TSPAN5: variants seen among roughly 807,000 people sequenced by gnomAD.
The protein encoded by TSPAN5 is tetraspanin 5, also known as tetraspanin-5.
TSPAN5 carries 10 observed loss-of-function variants against 37.1 expected under a neutral mutation model. The observed-to-expected ratio is 0.27, with a 90% confidence interval of 0.17 to 0.46. The LOEUF is 0.46. TSPAN5 is among the 20% of genes least tolerant of loss of function. The pLI is 1.00. For missense variants in TSPAN5, 195 were observed against 326.6 expected (o/e 0.60, Z 3.11); for synonymous variants, 110 against 118.9 (o/e 0.93, Z 0.48).
At chr4:98,533,105 G>A (rs897501122) in intron 1 of TSPAN5, among the ~76,000 whole-genome samples, 3 of 152,062 alleles carry the variant, frequency 2.0e-5, no homozygotes, top group East Asian at 3.9e-4. Context: ...ATTTTATTGA[G>A]GATTTCTGCA....
intron 1 of TSPAN5, among the ~76,000 whole-genome samples, chr4:98,652,664 C>A (rs772582712): frequency 3.9e-5 from 6 of 152,192 alleles, no homozygotes; most frequent in Non-Finnish European, 7.3e-5. Context: ...CATCTCTGTA[C>A]TCCAATTTCT....
At chr4:98,578,684 T>A (rs924618358) in intron 1 of TSPAN5, among the ~76,000 whole-genome samples, 2 of 152,284 alleles carry the variant, frequency 1.3e-5, no homozygotes, top group African/African-American at 4.8e-5. Context: ...CCTCCCAAAG[T>A]GCTGGGCTTA....
chr4:98,623,891 T>C (rs1040644371), intron 1 of TSPAN5, among the ~76,000 whole-genome samples: 1 of 152,196 alleles, frequency 6.6e-6, no homozygotes, highest in African/African-American at 2.4e-5. Flanking sequence ...AAAGTTCAAT[T>C]TTATCCATTT....
intron 1 of TSPAN5, chr4:98,574,662 C>G (rs182814875): frequency 6.6e-6 from 1 of 152,376 alleles, no homozygotes; most frequent in South Asian, 2.1e-4. Context: ...CCGGCTCATA[C>G]ACTTCTTGCA....
Position 98,476,406 on chromosome 4 carries a change from CACT to C in TSPAN5, c.624+4_624+6del. On this transcript the variant is annotated splice_donor_5th_base_variant and intron_variant, in intron 6 of 7. Coordinates refer to ENST00000305798, the MANE Select transcript of TSPAN5 (RefSeq NM_005723.4). ...CGTGCTAAGCAACAACATGAGATTCCACTTACTGGTTTTTGCCTGGCATCATAG... is the reference window on the plus strand; with the variant it reads ...CGTGCTAAGCAACAACATGAGATTCCTACTGGTTTTTGCCTGGCATCATAG... The C allele has an allele frequency of 6.2e-7, 1 of 1,614,148 alleles. No individual in the cohort carries two copies. Among genetic ancestry groups the C allele is most frequent in the Non-Finnish European group, 8.5e-7 (1 of 1,180,012 alleles).
intron 1 of TSPAN5, among the ~76,000 whole-genome samples, chr4:98,651,467 T>C (rs774899161): frequency 2.6e-5 from 4 of 152,242 alleles, no homozygotes; most frequent in Non-Finnish European, 4.4e-5. Context: ...TCATTGGTAA[T>C]TTCCTGGCTT....
chr4:98,638,594 T>C (rs1756904900), intron 1 of TSPAN5, among the ~76,000 whole-genome samples: 1 of 152,202 alleles, frequency 6.6e-6, no homozygotes, highest in Admixed American at 6.5e-5. Context: ...GATGAAGAGA[T>C]TCACAGGTAA....
chr4:98,553,622 C>T (rs377247203), intron 1 of TSPAN5, among the ~76,000 whole-genome samples: 15 of 152,184 alleles, frequency 9.9e-5, no homozygotes, highest in South Asian at 4.2e-4. Context: ...TGGTAAGGTA[C>T]GCCTTTTATG....
intron 1 of TSPAN5, among the ~76,000 whole-genome samples, chr4:98,577,154 T>C (rs1755257570): frequency 6.6e-6 from 1 of 152,172 alleles, no homozygotes; most frequent in African/African-American, 2.4e-5. Context: ...AACCCCAATC[T>C]AAAACTCAAT....
chr4:98,476,474 G>A lies in TSPAN5; in HGVS notation c.577-14C>T, dbSNP rs1419009541. The A allele has an allele frequency of 5.0e-6, 8 of 1,613,778 alleles. No individual in the cohort carries two copies. Among genetic ancestry groups the A allele is most frequent in the Non-Finnish European group, 6.8e-6 (8 of 1,179,974 alleles). On this transcript the variant is annotated splice_polypyrimidine_tract_variant and intron_variant, in intron 5 of 7. Transcript: ENST00000305798. ...GATGACATCTTCCTGGTGAAGAAAG[G>A]AAAGAGAAAAGTGAAATTTACTCAT...
rs113342940 is a variant in TSPAN5 at position 98,610,145 on chromosome 4, G to A, written c.81+48001C>T. ...AAATAAACTCATTTCTCACAGTTAC[G>A]AAGGCTAGGAAACACAATACCGAGG... is the stretch of plus-strand genomic sequence containing the variant. On this transcript the variant is annotated intron_variant, in intron 1 of 7. Coordinates refer to ENST00000305798, the MANE Select transcript of TSPAN5 (RefSeq NM_005723.4). 5.0e-3 allele frequency among the ~76,000 whole-genome samples: 764 copies of A among 152,290 alleles called. 6 individuals are homozygous for A. Among genetic ancestry groups the A allele is most frequent in the African/African-American group, 0.017 (722 of 41,562 alleles).
In TSPAN5 at chr4:98,624,264, C is replaced by A. The variant is rs189419054; in HGVS notation, c.81+33882G>T. Among the ~76,000 whole-genome samples, 1,444 of 151,670 alleles carry A rather than the reference C, an allele frequency of 9.5e-3. 27 individuals are homozygous for A. Among genetic ancestry groups the A allele is most frequent in the African/African-American group, 0.033 (1,370 of 41,372 alleles). On this transcript the variant is annotated intron_variant, in intron 1 of 7. Transcript: ENST00000305798. ...TAGAAACACAGAATTGAAATACAAA[C>A]CTTTAAAAAAAAAAACAAACCACAA...
chr4:98,554,217 C>T (rs1754687440), intron 1 of TSPAN5, among the ~76,000 whole-genome samples: 1 of 152,080 alleles, frequency 6.6e-6, no homozygotes, highest in Non-Finnish European at 1.5e-5. Context: ...TAACATTTTC[C>T]TTTTATTATA....
At chr4:98,532,873 C>A (rs1754128605) in intron 1 of TSPAN5, among the ~76,000 whole-genome samples, 1 of 152,088 alleles carries the variant, frequency 6.6e-6, no homozygotes, top group Non-Finnish European at 1.5e-5. Flanking sequence ...CCATTGATAC[C>A]TAGTTTATTG....
chr4:98,506,026 C>A (rs1037185502), intron 2 of TSPAN5, among the ~76,000 whole-genome samples: 1 of 152,078 alleles, frequency 6.6e-6, no homozygotes, highest in African/African-American at 2.4e-5. Flanking sequence ...ACATTTGAGG[C>A]AACTGATGAA....
chr4:98,479,749 G>A (rs1260924828), intron 4 of TSPAN5, among the ~76,000 whole-genome samples: 2 of 152,170 alleles, frequency 1.3e-5, no homozygotes, highest in East Asian at 3.8e-4. Flanking sequence ...GGCTTTTGCT[G>A]CAACTGTTAC....
chr4:98,570,083 C>G (rs931593819), intron 1 of TSPAN5, among the ~76,000 whole-genome samples: 1 of 152,036 alleles, frequency 6.6e-6, no homozygotes, highest in East Asian at 1.9e-4. Flanking sequence ...ACTTTTTCAG[C>G]CAAAGGAAAT....
intron 1 of TSPAN5, among the ~76,000 whole-genome samples, chr4:98,552,727 T>G (rs1178790244): frequency 6.6e-6 from 1 of 152,178 alleles, no homozygotes; most frequent in Non-Finnish European, 1.5e-5. Context: ...GGAAAGACAA[T>G]AGGAGCTGCT....
At chr4:98,499,612 C>T (rs1470409917) in intron 2 of TSPAN5, among the ~76,000 whole-genome samples, 1 of 151,026 alleles carries the variant, frequency 6.6e-6, no homozygotes, top group African/African-American at 2.4e-5. Flanking sequence ...CACATCAGAT[C>T]ACATAGCTTC....
Sources: gnomAD v4.1 joint callset for allele counts (sites outside exome capture counted in the v4.1 genomes callset) on GRCh38, gnomAD v4.1.1 for gene constraint, MANE v1.5 for transcripts, NCBI Gene and HGNC (gene_info 2026-07-23, HGNC 2026-07-21) for gene names.